The following PAM variants were observed in gnomAD, a reference collection of about 807,000 sequenced individuals.
The protein encoded by PAM is peptidylglycine alpha-amidating monooxygenase.
Under a neutral mutation model 122.1 loss-of-function variants are expected in PAM, and 72 were observed. The ratio of observed to expected loss-of-function variants is 0.59; its 90% CI spans 0.49 to 0.72. The LOEUF is 0.72. Among genes scored for constraint, PAM ranks in the 30% least tolerant of loss-of-function variants. The pLI is 0.00. For synonymous variants in PAM, 389 were observed against 404.4 expected (o/e 0.96, Z 0.46); for missense variants, 1,106 against 1,183.7 (o/e 0.93, Z 0.96).
chr5:102,992,768 A>G (rs1774516881), intron 16 of PAM, among the ~76,000 whole-genome samples: 1 of 152,118 alleles, frequency 6.6e-6, no homozygotes, highest in African/African-American at 2.4e-5. Flanking sequence ...CAAATCCTGT[A>G]TTAATTTTCC....
intron 7 of PAM, among the ~76,000 whole-genome samples, chr5:102,927,617 A>C (rs1055238100): frequency 6.6e-6 from 1 of 152,116 alleles, no homozygotes; most frequent in Non-Finnish European, 1.5e-5. Context: ...CCCATGGGGT[A>C]GAAAGGACCA....
chr5:102,826,184 AACTT>A lies in PAM; in HGVS notation c.-373-39633_-373-39630del, dbSNP rs1360074093. Among the ~76,000 whole-genome samples, 156 of 152,302 alleles carry A rather than the reference AACTT, an allele frequency of 1.0e-3. 1 individual carries two copies. The highest frequency in any genetic ancestry group is 3.4e-3 in the African/African-American group (142 of 41,574). ...TGTTATAATAAAATTTTATTTTTTT[AACTT>A]ACTTAAAAACTTACTTCCGTATTTA... is the stretch of plus-strand genomic sequence containing the variant. On this transcript the variant is annotated intron_variant, in intron 1 of 25. Transcript: ENST00000438793.
chr5:102,826,583 A>G (rs1257374506), intron 1 of PAM, among the ~76,000 whole-genome samples: 1 of 152,206 alleles, frequency 6.6e-6, no homozygotes, highest in East Asian at 1.9e-4. Context: ...GAGATGCACC[A>G]GAGATCCCCT....
At chr5:102,889,744 C>T (rs1481966167) in intron 3 of PAM, among the ~76,000 whole-genome samples, 2 of 151,886 alleles carry the variant, frequency 1.3e-5, no homozygotes, top group Non-Finnish European at 2.9e-5. Context: ...AAGTGGCCCT[C>T]CTCCTTAGCC....
chr5:102,764,508 G>A (rs1477315376), intron 1 of PAM, among the ~76,000 whole-genome samples: 2 of 151,964 alleles, frequency 1.3e-5, no homozygotes, highest in Non-Finnish European at 2.9e-5. Flanking sequence ...TATTGAGGCT[G>A]GAACAAAGGA....
At chr5:103,006,172 T>G (rs980950864) in intron 18 of PAM, among the ~76,000 whole-genome samples, 1 of 152,120 alleles carries the variant, frequency 6.6e-6, no homozygotes, top group Admixed American at 6.6e-5. Context: ...CCTGGACTCA[T>G]GCAATCCACC....
intron 16 of PAM, among the ~76,000 whole-genome samples, chr5:102,993,815 A>C (rs1031767125): frequency 1.3e-5 from 2 of 152,114 alleles, no homozygotes; most frequent in Non-Finnish European, 2.9e-5. Context: ...GAGATAGTCT[A>C]TATGCCTGAT....
chr5:102,822,786 G>T (rs181670196), intron 1 of PAM, among the ~76,000 whole-genome samples: 4 of 152,122 alleles, frequency 2.6e-5, no homozygotes, highest in Non-Finnish European at 5.9e-5. Flanking sequence ...GCAGTGAGAA[G>T]GGAAATTACC....
In PAM at chr5:102,812,975, A is replaced by G. The variant is rs75418665; in HGVS notation, c.-373-52848A>G. Among the ~76,000 whole-genome samples, 851 of 152,172 alleles carry G rather than the reference A, an allele frequency of 5.6e-3. 11 individuals carry two copies. The highest frequency in any genetic ancestry group is 0.019 in the African/African-American group (797 of 41,546). On this transcript the variant is annotated intron_variant, in intron 1 of 25. Coordinates refer to ENST00000438793, the MANE Select transcript of PAM (RefSeq NM_001177306.2). ...AAACAAAACCCAAATACCTTTAAAC[A>G]TTTGAATATTTTTAAAAAGTATACA... is the stretch of plus-strand genomic sequence containing the variant.
intron 14 of PAM, among the ~76,000 whole-genome samples, chr5:102,963,968 TAGAA>T (rs567535603): frequency 5.7e-4 from 86 of 151,152 alleles, no homozygotes; most frequent in African/African-American, 2.1e-3. Flanking sequence ...AATGTTATGT[TAGAA>T]AGAAGAAATG....
chr5:102,814,986 C>T (rs1561520821), intron 1 of PAM, among the ~76,000 whole-genome samples: 1 of 151,960 alleles, frequency 6.6e-6, no homozygotes, highest in Non-Finnish European at 1.5e-5. Flanking sequence ...AGTTACTTTA[C>T]AATGAGCTGT....
intron 16 of PAM, among the ~76,000 whole-genome samples, chr5:102,997,224 T>A (rs1427521719): frequency 1.3e-5 from 2 of 152,186 alleles, no homozygotes; most frequent in Non-Finnish European, 2.9e-5. Context: ...CTTGATATGT[T>A]GCAAGACAAT....
At chr5:102,909,840 A>G (rs142098073) in intron 4 of PAM, among the ~76,000 whole-genome samples, 99 of 152,028 alleles carry the variant, frequency 6.5e-4, no homozygotes. Flanking sequence ...TATCCCTAAT[A>G]CATACAAGCA....
chr5:102,784,024 G>T (rs1759787806), intron 1 of PAM, among the ~76,000 whole-genome samples: 1 of 152,036 alleles, frequency 6.6e-6, no homozygotes, highest in South Asian at 2.1e-4. Context: ...CTCCCAAGTA[G>T]CTGGGACTAA....
chr5:102,813,069 T>C (rs1768456199), intron 1 of PAM, among the ~76,000 whole-genome samples: 1 of 151,884 alleles, frequency 6.6e-6, no homozygotes, highest in Non-Finnish European at 1.5e-5. Context: ...TCTATTTTGC[T>C]TATTTGAAAA....
intron 1 of PAM, among the ~76,000 whole-genome samples, chr5:102,817,135 G>A (rs1253140559): frequency 6.6e-6 from 1 of 151,884 alleles, no homozygotes; most frequent in Admixed American, 6.6e-5. Context: ...CTCATTTACT[G>A]TGAACATGTT....
Position 102,974,270 on chromosome 5 carries a change from T to C in PAM, c.1317T>C (p.Asp439=), listed in dbSNP as rs748416506. The C allele has an allele frequency of 5.0e-6, 8 of 1,614,108 alleles. No individual in the cohort carries two copies. Among genetic ancestry groups the C allele is most frequent in the Non-Finnish European group, 6.8e-6 (8 of 1,179,984 alleles). ...AAAAAAAGGATCTTGGTCGATCTGATGCCAGAGAGGGTGCAGAACATGAGA... is the reference window on the plus strand; with the variant it reads ...AAAAAAAGGATCTTGGTCGATCTGACGCCAGAGAGGGTGCAGAACATGAGA... ...VVQKKDLGRS[D]AREGAEHERG... The change falls in exon 15 of 26, where the codon GAT becomes GAC. Residue 439 remains aspartate, a synonymous_variant. Transcript: ENST00000438793.
chr5:102,830,499 T>G (rs1775118430), intron 1 of PAM, among the ~76,000 whole-genome samples: 1 of 152,208 alleles, frequency 6.6e-6, no homozygotes, highest in South Asian at 2.1e-4. Flanking sequence ...TAACTGCTTG[T>G]TCATTCTTCT....
At chr5:102,979,050 A>G (rs1013364038) in intron 15 of PAM, among the ~76,000 whole-genome samples, 37 of 151,266 alleles carry the variant, frequency 2.4e-4, no homozygotes, top group Admixed American at 2.4e-3. Flanking sequence ...ACACACACAC[A>G]CACACACACA....
Sources: gnomAD v4.1 joint callset for allele counts (sites outside exome capture counted in the v4.1 genomes callset) on GRCh38, gnomAD v4.1.1 for gene constraint, MANE v1.5 for transcripts, NCBI Gene and HGNC (gene_info 2026-07-23, HGNC 2026-07-21) for gene names.